CSMD1: variants seen among roughly 807,000 people sequenced by gnomAD.
CSMD1 encodes the protein CUB and Sushi multiple domains 1.
In CSMD1, 213 loss-of-function variants were observed where a neutral mutation model predicts 417.5. That is an observed-to-expected ratio of 0.51 (90% CI 0.46 to 0.57). The LOEUF is 0.57. CSMD1 is among the 20% of genes least tolerant of loss of function. The pLI is 0.00. For missense variants in CSMD1, 6,923 were observed against 4,529.7 expected (o/e 1.53, Z -15.17); for synonymous variants, 2,862 against 1,736.8 (o/e 1.65, Z -16.11).
intron 21 of CSMD1, among the ~76,000 whole-genome samples, chr8:3,351,387 G>T (rs906889284): frequency 1.3e-5 from 2 of 151,876 alleles, no homozygotes; most frequent in Non-Finnish European, 2.9e-5. Flanking sequence ...GAGGCAGGCG[G>T]ATCACCTGAG....
intron 28 of CSMD1, 125 bp from the exon 29 acceptor site, chr8:3,219,567 T>A: frequency 7.9e-6 from 5 of 629,596 alleles, no homozygotes; most frequent in Non-Finnish European, 1.3e-5. Flanking sequence ...GTTAGGGCAA[T>A]CAAAAAGTTA....
At chr8:4,103,637 T>TA (rs1461422776) in intron 3 of CSMD1, among the ~76,000 whole-genome samples, 2 of 152,294 alleles carry the variant, frequency 1.3e-5, no homozygotes, top group East Asian at 3.9e-4. Context: ...TAAGGATCTT[T>TA]AAATCTCATT....
chr8:3,855,606 G>C (rs1476148177), intron 5 of CSMD1, among the ~76,000 whole-genome samples: 4 of 152,148 alleles, frequency 2.6e-5, no homozygotes, highest in Non-Finnish European at 5.9e-5. Flanking sequence ...AGATGACTGA[G>C]TATGCTAATT....
At chr8:3,426,147 A>C (rs73657898) in intron 12 of CSMD1, among the ~76,000 whole-genome samples, 3,564 of 152,312 alleles carry the variant, frequency 0.023, 132 homozygotes, top group African/African-American at 0.079. Context: ...TCCTATCCCT[A>C]ATACTTTCCT....
intron 3 of CSMD1, among the ~76,000 whole-genome samples, chr8:4,211,932 G>A (rs775141249): frequency 2.6e-5 from 4 of 152,142 alleles, no homozygotes; most frequent in Non-Finnish European, 5.9e-5. Flanking sequence ...GGAAGAAAGG[G>A]TAATAAAGTC....
intron 1 of CSMD1, among the ~76,000 whole-genome samples, chr8:4,834,874 G>A (rs1210881667): frequency 3.6e-5 from 5 of 139,828 alleles, no homozygotes; most frequent in African/African-American, 1.0e-4. Flanking sequence ...GGAGAAAGGC[G>A]GAAACCCGGG....
chr8:3,783,091 C>A (rs564836878), intron 5 of CSMD1, among the ~76,000 whole-genome samples: 5 of 152,242 alleles, frequency 3.3e-5, no homozygotes, highest in Non-Finnish European at 5.9e-5. Context: ...CATCCCGTAA[C>A]CCCCAGCCTC....
intron 1 of CSMD1, among the ~76,000 whole-genome samples, chr8:4,784,099 T>C (rs75159708): frequency 0.025 from 3,744 of 152,322 alleles, 165 homozygotes; most frequent in African/African-American, 0.086. Flanking sequence ...CTCTATGTCT[T>C]GACATTTATT....
intron 26 of CSMD1, among the ~76,000 whole-genome samples, chr8:3,270,181 C>T (rs1014934638): frequency 2.0e-5 from 3 of 151,578 alleles, no homozygotes; most frequent in Admixed American, 6.6e-5. Context: ...TCCCAAGTAG[C>T]TGGGATTACA....
intron 18 of CSMD1, among the ~76,000 whole-genome samples, chr8:3,377,941 A>G (rs1810411451): frequency 6.6e-6 from 1 of 152,228 alleles, no homozygotes. Flanking sequence ...GGAGCTGAAT[A>G]TTAAAAGAAT....
chr8:4,706,306 G>C (rs932609472), intron 1 of CSMD1, among the ~76,000 whole-genome samples: 1 of 151,858 alleles, frequency 6.6e-6, no homozygotes, highest in Non-Finnish European at 1.5e-5. Flanking sequence ...TGTACCCCAT[G>C]AAATAAGAAA....
At chr8:3,863,774 C>G (rs951033378) in intron 5 of CSMD1, among the ~76,000 whole-genome samples, 6 of 152,050 alleles carry the variant, frequency 3.9e-5, no homozygotes, top group African/African-American at 7.2e-5. Context: ...GAATTTTCTA[C>G]TAGTTTTTCT....
chr8:3,365,054 G>A (rs551900920), intron 20 of CSMD1, among the ~76,000 whole-genome samples: 2 of 152,256 alleles, frequency 1.3e-5, no homozygotes, highest in South Asian at 2.1e-4. Context: ...ATTCATTTTG[G>A]GTCCTGATGA....
At chr8:4,983,064 A>C (rs1481856039) in intron 1 of CSMD1, among the ~76,000 whole-genome samples, 4 of 152,246 alleles carry the variant, frequency 2.6e-5, no homozygotes, top group Non-Finnish European at 5.9e-5. Flanking sequence ...CAGAAGAAAA[A>C]AATGCAAACA....
intron 3 of CSMD1, among the ~76,000 whole-genome samples, chr8:4,321,461 C>T (rs4875334): frequency 0.38 from 57,283 of 152,020 alleles, 12,396 homozygotes; most frequent in East Asian, 0.63. Context: ...CCTTATCACT[C>T]TCTTAATTCC....
intron 5 of CSMD1, among the ~76,000 whole-genome samples, chr8:3,866,594 A>C (rs892738808): frequency 6.6e-6 from 1 of 152,022 alleles, no homozygotes; most frequent in East Asian, 1.9e-4. Context: ...AAAACACCTT[A>C]TAGTCTCTTC....
At chr8:4,965,270 T>A (rs1389380447) in intron 1 of CSMD1, among the ~76,000 whole-genome samples, 3 of 152,228 alleles carry the variant, frequency 2.0e-5, no homozygotes, top group African/African-American at 7.2e-5. Context: ...AATTAGCCAA[T>A]ACTTACTGAG....
chr8:4,892,552 G>C (rs1039458540), intron 1 of CSMD1, among the ~76,000 whole-genome samples: 8 of 152,006 alleles, frequency 5.3e-5, no homozygotes, highest in Non-Finnish European at 8.8e-5. Flanking sequence ...ACTAGCGTTA[G>C]GTATTGCCTA....
chr8:3,030,192 C>T (rs562723883), intron 50 of CSMD1, among the ~76,000 whole-genome samples: 10 of 151,958 alleles, frequency 6.6e-5, no homozygotes, highest in African/African-American at 2.4e-4. Context: ...TATACTATTA[C>T]CAGGGTGGAC....
Sources: allele counts gnomAD v4.1 joint callset (sites outside exome capture counted in the v4.1 genomes callset), GRCh38; gene constraint gnomAD v4.1.1; transcripts MANE v1.5; gene names NCBI Gene and HGNC (gene_info 2026-07-23, HGNC 2026-07-21).